The following SPTBN5 variants were observed in gnomAD, a reference collection of about 807,000 sequenced individuals.
SPTBN5 encodes spectrin beta chain, non-erythrocytic 5.
Under a neutral mutation model 477.6 loss-of-function variants are expected in SPTBN5, and 513 were observed. That is an observed-to-expected ratio of 1.07 (90% CI 1.00 to 1.16). SPTBN5 has a LOEUF of 1.16. Among genes scored for constraint, SPTBN5 ranks in the 50% most tolerant of loss-of-function variants. The probability of loss-of-function intolerance (pLI) is 0.00; values close to 1 mark genes in which losing one functional copy is unlikely to be tolerated. For synonymous variants in SPTBN5, 2,169 were observed against 2,011.7 expected (o/e 1.08, Z -2.09); for missense variants, 5,062 against 4,731.8 (o/e 1.07, Z -2.05).
intron 27 of SPTBN5, 102 bp from the exon 28 acceptor site, chr15:41,872,019 G>C (rs1327331564): frequency 7.2e-7 from 1 of 1,389,400 alleles, no homozygotes; most frequent in Non-Finnish European, 9.5e-7. Context: ...GGTTACTCAT[G>C]GTCTCTGTCC....
intron 20 of SPTBN5, 71 bp downstream of exon 20, chr15:41,876,477 G>T: frequency 7.1e-7 from 1 of 1,405,208 alleles, no homozygotes; most frequent in Non-Finnish European, 9.8e-7. Flanking sequence ...TCTGTAGGCT[G>T]CACAGAGCTC....
Position 41,855,583 on chromosome 15 carries a change from C to CT in SPTBN5, c.9183dup (p.Ala3062SerfsTer87). 2 of 1,612,118 alleles carry CT rather than the reference C, an allele frequency of 1.2e-6. No homozygotes were observed. ...TTCTTCCTGCTCTCCAGGAGTGCTG[C>CT]TGTCTGCTGCAGCCGCTCGATGCGT... On this transcript the variant is annotated frameshift_variant, in exon 54 of 68. Transcript: ENST00000320955. LOFTEE classifies it high-confidence loss of function.
rs746591837 is a variant in SPTBN5, at chr15:41,876,661, G to GC, written c.3852-15_3852-14insG. 2.8e-6 allele frequency: 4 copies of GC among 1,440,084 alleles called. No homozygotes were observed. In the African/African-American group the frequency reaches 4.4e-5, roughly 16 times the overall value. 89.2% of individuals were successfully genotyped at this position (1,440,084 alleles called of 1,614,324 possible). ...TGCTCTCTGACCCTGGAGGGCGGGG[G>GC]GGGGTTGGAGGAGGGCATGGGAGAG... On this transcript the variant is annotated splice_polypyrimidine_tract_variant and intron_variant, in intron 19 of 67. Transcript: ENST00000320955.
chr15:41,867,440 A>C (rs2066364069), intron 35 of SPTBN5, 98 bp downstream of exon 35: 10 of 1,171,708 alleles, frequency 8.5e-6, no homozygotes, highest in African/African-American at 1.5e-5. Context: ...GCTCATCAGC[A>C]CTGCCTCCAG....
chr15:41,858,550 T>C lies in SPTBN5; in HGVS notation c.8226+52A>G, dbSNP rs921815671. ...CAGCACCAGCTCTGGGGCACTGTCC[T>C]GTGTTCTGCCTGGAGAGCTGTCCCA... On this transcript the variant is annotated intron_variant, in intron 49 of 67. Coordinates refer to ENST00000320955, the MANE Select transcript of SPTBN5 (RefSeq NM_016642.4). The C allele has an allele frequency of 6.5e-5, 103 of 1,581,076 alleles. No individual in the cohort carries two copies. The African/African-American group carries it at 1.3e-3, about 20-fold the overall frequency.
At chr15:41,860,905 T>A in intron 46 of SPTBN5, 147 bp from the exon 47 acceptor site, 3 of 820,858 alleles carry the variant, frequency 3.7e-6, no homozygotes, top group Non-Finnish European at 1.7e-6. Flanking sequence ...CCCTCAAGGC[T>A]GTTTCCAGCT....
chr15:41,852,951 TCCTCCAGCTCCTGCAGCCGCC>T lies in SPTBN5; in HGVS notation c.10199_10219del (p.Gly3400_Glu3406del). 4 of 1,573,048 alleles carry T rather than the reference TCCTCCAGCTCCTGCAGCCGCC, an allele frequency of 2.5e-6. No homozygotes were observed. Among genetic ancestry groups the T allele is most frequent in the Non-Finnish European group, 3.4e-6 (4 of 1,159,762 alleles). ...GCGTTGCCAGCGCAGGGCCCAAGCC[TCCTCCAGCTCCTGCAGCCGCC>T]CTTCCAGCTCCTGCAGGCACTCTGT... is the stretch of plus-strand genomic sequence containing the variant. On this transcript the variant is annotated inframe_deletion, in exon 60 of 68. Transcript: ENST00000320955.
In SPTBN5 at chr15:41,879,855, T is replaced by C. The variant is rs778041978; in HGVS notation, c.2821A>G (p.Thr941Ala). Residue 941 changes from threonine (T) to alanine (A), a missense_variant, in exon 15 of 68, where the codon ACT (threonine) becomes GCT (alanine). Thr to Ala is a moderately conservative substitution (Grantham distance 58). Coordinates refer to ENST00000320955, the MANE Select transcript of SPTBN5 (RefSeq NM_016642.4). ...VMQLKYENFL[T>A]ALAVGKGLWA... ...AGGCCCTTTCCCACAGCCAGGGCAG[T>C]GAGGAAGTTCTAGGGAAAAGGAGGA... The C allele has an allele frequency of 6.2e-7, 1 of 1,613,890 alleles. No homozygotes were observed. Among genetic ancestry groups the C allele is most frequent in the South Asian group, 1.1e-5 (1 of 91,084 alleles).
chr15:41,868,352 G>A, intron 33 of SPTBN5, 46 bp downstream of exon 33: 6 of 1,578,210 alleles, frequency 3.8e-6, no homozygotes, highest in Non-Finnish European at 5.2e-6. Context: ...CCAGGCACAG[G>A]CTTGGTCAGC....
In SPTBN5 at chr15:41,850,065, G is replaced by A. The variant is rs373986008; in HGVS notation, c.10922-106C>T. 52 of 980,318 alleles carry A rather than the reference G, an allele frequency of 5.3e-5. No individual in the cohort carries two copies. The East Asian group carries it at 1.0e-3, about 20-fold the overall frequency. 60.7% of individuals were successfully genotyped at this position (980,318 alleles called of 1,614,324 possible). On this transcript the variant is annotated intron_variant, in intron 66 of 67. Transcript: ENST00000320955. ...TTCTGGAGGCTCAGCACAGCCTTAGGCAGCCTGGCTATGCCAGGCCCTTCC... is the reference window on the plus strand; with the variant it reads ...TTCTGGAGGCTCAGCACAGCCTTAGACAGCCTGGCTATGCCAGGCCCTTCC...
At chr15:41,890,961 T>C (rs1267346266) in intron 3 of SPTBN5, among the ~76,000 whole-genome samples, 1 of 152,364 alleles carries the variant, frequency 6.6e-6, no homozygotes, top group East Asian at 1.9e-4. Flanking sequence ...CATGGGATTC[T>C]AAGCACAGGA....
chr15:41,852,339 C>A (rs763861057), intron 61 of SPTBN5, 23 bp from the exon 62 acceptor site: 4 of 1,542,786 alleles, frequency 2.6e-6, no homozygotes, highest in Non-Finnish European at 3.5e-6. Context: ...GCAAGGTGGG[C>A]AAGGTGAGCC....
chr15:41,868,252 G>C, intron 33 of SPTBN5, 34 bp from the exon 34 acceptor site: 1 of 1,576,908 alleles, frequency 6.3e-7, no homozygotes, highest in Middle Eastern at 1.7e-4. Flanking sequence ...CTCAGCTGGG[G>C]AGGGTGGTGT....
At position 41,867,017 on chromosome 15, in the gene SPTBN5, C is replaced by T. The variant is rs772901613; in HGVS notation, c.6422G>A (p.Arg2141Gln). Reference protein sequence around the residue: ...RMRVKELAESRGHALHASLLM... With the variant: ...RMRVKELAESQGHALHASLLM... Reference sequence around the variant, plus strand: ...CAGGGAGGCATGCAGGGCGTGTCCCCGGCTCTCCGCCAGCTCCTTCACTCT... The same window carrying T: ...CAGGGAGGCATGCAGGGCGTGTCCCTGGCTCTCCGCCAGCTCCTTCACTCT... The change falls in exon 36 of 68, where the codon CGG (arginine) becomes CAG (glutamine). Residue 2141 changes from arginine (R) to glutamine (Q), a missense_variant. Transcript: ENST00000320955. 31 of 1,558,812 alleles carry T rather than the reference C, an allele frequency of 2.0e-5. No individual in the cohort carries two copies. Among genetic ancestry groups the T allele is most frequent in the Middle Eastern group, 1.7e-4 (1 of 5,908 alleles).
At chr15:41,860,439 G>A (rs897567664) in intron 47 of SPTBN5, 147 bp downstream of exon 47, 2 of 828,630 alleles carry the variant, frequency 2.4e-6, no homozygotes, top group East Asian at 3.3e-5. Context: ...GCCAGGGGTG[G>A]TGGGGACCCC....
At chr15:41,872,206 C>A (rs767087023) in intron 27 of SPTBN5, 96 bp downstream of exon 27, 1,124 of 1,445,060 alleles carry the variant, frequency 7.8e-4, no homozygotes, top group Middle Eastern at 1.3e-3. Context: ...AGCCTGGGGT[C>A]ATGGGTTCTG....
chr15:41,866,848 G>T, intron 36 of SPTBN5, 111 bp downstream of exon 36: 1 of 1,353,720 alleles, frequency 7.4e-7, no homozygotes. Flanking sequence ...CTCTGGGAAA[G>T]CCATCCACCC....
Position 41,893,513 on chromosome 15 carries a change from T to A in SPTBN5, c.-16A>T. The A allele has an allele frequency of 6.4e-7, 1 of 1,557,560 alleles. No homozygotes were observed. The highest frequency in any genetic ancestry group is 1.4e-5 in the African/African-American group (1 of 73,952). On this transcript the variant is annotated 5_prime_UTR_variant, in exon 2 of 68. Transcript: ENST00000320955. ...GACCAGCCATCAGCCCTGCAGACTT[T>A]GGGGATGAGGAGCTGCTGGATGGCT...
chr15:41,881,083 G>A lies in SPTBN5; in HGVS notation c.2609C>T (p.Thr870Ile). Residue 870 changes from threonine to isoleucine, a missense_variant, in exon 13 of 68, where the codon ACA (threonine) becomes ATA (isoleucine). By Grantham distance (89) the Thr-to-Ile change is moderately conservative (BLOSUM62 -1). Coordinates refer to ENST00000320955, the MANE Select transcript of SPTBN5 (RefSeq NM_016642.4). ...PDFDPNTILQ[T>I]QDHLSQDYES... Reference sequence around the variant, plus strand: ...ATAGTCCTGACTCAAGTGGTCCTGTGTCTGGAGTATAGTGTTGGGATCAAA... The same window carrying A: ...ATAGTCCTGACTCAAGTGGTCCTGTATCTGGAGTATAGTGTTGGGATCAAA... 1 of 1,610,250 alleles carries A rather than the reference G, an allele frequency of 6.2e-7. No homozygotes were observed. The highest frequency in any genetic ancestry group is 8.5e-7 in the Non-Finnish European group (1 of 1,178,286).
Sources: gnomAD v4.1 joint callset for allele counts (sites outside exome capture counted in the v4.1 genomes callset) on GRCh38, gnomAD v4.1.1 for gene constraint, MANE v1.5 for transcripts, NCBI Gene and HGNC (gene_info 2026-07-23, HGNC 2026-07-21) for gene names.